The following SAMD10 variants were observed in gnomAD, a reference collection of about 807,000 sequenced individuals.
The protein encoded by SAMD10 is sterile alpha motif domain-containing protein 10.
In SAMD10, 16 loss-of-function variants were observed where a neutral mutation model predicts 22.5. That is an observed-to-expected ratio of 0.71 (90% CI 0.48 to 1.08). SAMD10 has a LOEUF of 1.08. Ranked by LOEUF, SAMD10 falls within the 50% of genes least tolerant of loss-of-function variation. SAMD10 has a pLI of 0.00. For missense variants in SAMD10, 227 were observed against 281.3 expected, an observed-to-expected ratio of 0.81 and a Z score of 1.38; for synonymous variants, 118 against 122.2, an observed-to-expected ratio of 0.97 and a Z score of 0.23.
chr20:63,978,422 A>C (rs976804279), intron 1 of SAMD10: 37 of 656,554 alleles, frequency 5.6e-5, no homozygotes, highest in Admixed American at 2.5e-5. Flanking sequence ...CCTAGCACCC[A>C]GGCCTTCAGC....
Position 63,975,433 on chromosome 20 carries a change from C to T in SAMD10, c.*77G>A, listed in dbSNP as rs1197996524. On this transcript the variant is annotated 3_prime_UTR_variant, in exon 5 of 5. Transcript: ENST00000369886. ...ATCCCGCAGGGTCCAAGAGGCGCTG[C>T]GGGGCCAGCTTGGCCTCCTCCCTAG... The T allele has an allele frequency of 7.6e-5, 120 of 1,583,970 alleles. No individual in the cohort carries two copies. Among genetic ancestry groups the T allele is most frequent in the East Asian group, 9.0e-5 (4 of 44,412 alleles).
At position 63,979,076 on chromosome 20, in the gene SAMD10, G is replaced by A. The variant is rs904428382; in HGVS notation, c.91+301C>T. On this transcript the variant is annotated intron_variant, in intron 1 of 4. Transcript: ENST00000369886. This position sits in a 1 kb window ranked among gnomAD's most constrained non-coding sequence, Gnocchi z 7.7. ...CCCCTTTCGGCCCCACTGCAAAAGC[G>A]GGGGAGGGTTTTCCCCGTGCGCAGG... 2.0e-5 allele frequency among the ~76,000 whole-genome samples: 3 copies of A among 152,162 alleles called. No individual in the cohort carries two copies. The highest frequency in any genetic ancestry group is 2.9e-5 in the Non-Finnish European group (2 of 68,032).
At chr20:63,978,146 T>A in intron 1 of SAMD10, 1 of 442,956 alleles carries the variant, frequency 2.3e-6, no homozygotes, top group Non-Finnish European at 4.4e-6. Context: ...AGCCATTGCT[T>A]GGGGACCCAC....
At chr20:63,976,905 G>T in intron 3 of SAMD10, 66 bp downstream of exon 3, 1 of 1,517,462 alleles carries the variant, frequency 6.6e-7, no homozygotes, top group Non-Finnish European at 9.1e-7. Flanking sequence ...GGCAGGCTGA[G>T]TGTGGGGAAG....
At chr20:63,976,197 C>T (rs936957607) in intron 3 of SAMD10, among the ~76,000 whole-genome samples, 3 of 151,764 alleles carry the variant, frequency 2.0e-5, no homozygotes, top group Non-Finnish European at 4.4e-5. Flanking sequence ...AAACAAACAA[C>T]AAACTGAGCC....
Position 63,977,528 on chromosome 20 carries a change from G to C in SAMD10, c.92-122C>G, listed in dbSNP as rs1394839240. 3.0e-6 allele frequency: 3 copies of C among 995,026 alleles called. No homozygotes were observed. The highest frequency in any genetic ancestry group is 4.5e-6 in the Non-Finnish European group (3 of 671,140). The allele number at this position is 995,026 out of a possible 1,614,324, so 61.6% of individuals were successfully genotyped here. ...TGCGGGAAATCACCTCCCCAATGAG[G>C]GGTTCCCAAGCCTCCAAAGGCAGAA... On this transcript the variant is annotated intron_variant, in intron 1 of 4. Coordinates refer to ENST00000369886, the MANE Select transcript of SAMD10 (RefSeq NM_080621.5). The surrounding 1 kb of genome is among the most constrained non-coding windows in gnomAD (Gnocchi z 5.4).
rs144027852 is a variant in SAMD10, at chr20:63,977,053, C to T, written c.363G>A (p.Gln121=). The change falls in exon 3 of 5, where the codon CAG becomes CAA. Residue 121 remains glutamine (Q), a synonymous_variant. Coordinates refer to ENST00000369886, the MANE Select transcript of SAMD10 (RefSeq NM_080621.5). This position sits in a 1 kb window ranked among gnomAD's most constrained non-coding sequence, Gnocchi z 5.4. ...LTRPVVLWSQ[Q]DVCKWLKKHC... is the part of the protein sequence containing the mutation. ...GCTTCTTGAGCCACTTGCAGACGTC[C>T]TGCTGACTCCACAGGACCACGGGCC... is the stretch of plus-strand genomic sequence containing the variant. 1,169 of 1,614,150 alleles carry T rather than the reference C, an allele frequency of 7.2e-4. 6 individuals are homozygous for T. The highest frequency in any genetic ancestry group is 6.6e-3 in the South Asian group (600 of 91,084).
At chr20:63,978,420 C>G (rs2059039663) in intron 1 of SAMD10, 1 of 671,600 alleles carries the variant, frequency 1.5e-6, no homozygotes, top group South Asian at 1.6e-5. Flanking sequence ...ACCCTAGCAC[C>G]CAGGCCTTCA....
At position 63,977,505 on chromosome 20, in the gene SAMD10, C is replaced by T. The variant is rs574622793; in HGVS notation, c.92-99G>A. ...CTGCCCCATCTCCTCCACACTAGTG[C>T]GGGAAATCACCTCCCCAATGAGGGG... is the stretch of plus-strand genomic sequence containing the variant. On this transcript the variant is annotated intron_variant, in intron 1 of 4. Coordinates refer to ENST00000369886, the MANE Select transcript of SAMD10 (RefSeq NM_080621.5). This position sits in a 1 kb window ranked among gnomAD's most constrained non-coding sequence, Gnocchi z 5.4. 114 of 1,232,924 alleles carry T rather than the reference C, an allele frequency of 9.2e-5. No homozygotes were observed. The highest frequency in any genetic ancestry group is 1.1e-4 in the Non-Finnish European group (97 of 875,444). The allele number at this position is 1,232,924 out of a possible 1,614,324, so 76.4% of individuals were successfully genotyped here. A position where few individuals can be genotyped will look rare whatever the true frequency, so the allele number is the denominator to read the frequency against.
upstream of SAMD10, chr20:63,979,810 G>A: frequency 6.2e-6 from 3 of 484,714 alleles, no homozygotes; most frequent in Non-Finnish European, 8.1e-6. The surrounding 1 kb of genome is among the most constrained non-coding windows in gnomAD (Gnocchi z 7.7). Context: ...CCCTCTGTGC[G>A]TGGGGGTGGG....
At position 63,977,364 on chromosome 20, in the gene SAMD10, G is replaced by A. The variant is rs917108169; in HGVS notation, c.134C>T (p.Thr45Met). 5.6e-6 allele frequency: 9 copies of A among 1,613,258 alleles called. No homozygotes were observed. Among genetic ancestry groups the A allele is most frequent in the Admixed American group, 1.7e-5 (1 of 60,012 alleles). Reference sequence around the variant, plus strand: ...GCAGGGGATGCTCTCAGCTGACACCGTGTGCTCCAGGAGGGTCCGGCAGAA... The same window carrying A: ...GCAGGGGATGCTCTCAGCTGACACCATGTGCTCCAGGAGGGTCCGGCAGAA... ...FSFCRTLLEH[T>M]VSAESIPCHL... The change falls in exon 2 of 5, where the codon ACG (threonine) becomes ATG (methionine). Residue 45 changes from threonine to methionine, a missense_variant. Physicochemically the swap from Thr to Met is moderately conservative, Grantham distance 81. Transcript: ENST00000369886. The surrounding 1 kb of genome is among the most constrained non-coding windows in gnomAD (Gnocchi z 5.4).
In SAMD10 at chr20:63,975,288, A is replaced by C. The variant is rs912201687; in HGVS notation, c.*222T>G. On this transcript the variant is annotated 3_prime_UTR_variant, in exon 5 of 5. Coordinates refer to ENST00000369886, the MANE Select transcript of SAMD10 (RefSeq NM_080621.5). ...GGCTCAGGTCCCAGGAGGTGGGGCCACACTCAAGCAGCCCCCTACCCACCC... is the reference window on the plus strand; with the variant it reads ...GGCTCAGGTCCCAGGAGGTGGGGCCCCACTCAAGCAGCCCCCTACCCACCC... 7.1e-6 allele frequency: 4 copies of C among 560,942 alleles called. No individual in the cohort carries two copies. The highest frequency in any genetic ancestry group is 1.2e-5 in the Non-Finnish European group (4 of 323,028). The allele number at this position is 560,942 out of a possible 1,614,324, so 34.7% of individuals were successfully genotyped here.
Position 63,975,350 on chromosome 20 carries a change from C to T in SAMD10, c.*160G>A, listed in dbSNP as rs2059014408. 1.7e-5 allele frequency: 14 copies of T among 813,790 alleles called. No homozygotes were observed. The highest frequency in any genetic ancestry group is 2.8e-5 in the Admixed American group (1 of 35,308). 50.4% of individuals were successfully genotyped at this position (813,790 alleles called of 1,614,324 possible). On this transcript the variant is annotated 3_prime_UTR_variant, in exon 5 of 5. Coordinates refer to ENST00000369886, the MANE Select transcript of SAMD10 (RefSeq NM_080621.5). ...ACGACCTGGAATGTCCAACCAGAGG[C>T]GCCTGGAGGTGTGATCCTGGTCCTG...
Position 63,979,562 on chromosome 20 carries a change from G to A in SAMD10, c.-95C>T, listed in dbSNP as rs907216170. The A allele has an allele frequency of 2.0e-6, 2 of 985,632 alleles. No individual in the cohort carries two copies. The highest frequency in any genetic ancestry group is 1.3e-4 in the Admixed American group (2 of 15,996). The allele number at this position is 985,632 out of a possible 1,614,324, so 61.1% of individuals were successfully genotyped here. A position where few individuals can be genotyped will look rare whatever the true frequency, so the allele number is the denominator to read the frequency against. ...GGAACGCGCGCCGCCGCCCCGCCCC[G>A]CCCCAGCCGGCCCCGCGCCCGAGCC... On this transcript the variant is annotated 5_prime_UTR_variant, in exon 1 of 5. Coordinates refer to ENST00000369886, the MANE Select transcript of SAMD10 (RefSeq NM_080621.5). This position sits in a 1 kb window ranked among gnomAD's most constrained non-coding sequence, Gnocchi z 7.7.
In SAMD10 at chr20:63,977,430, G is replaced by A. The variant is rs2059032891; in HGVS notation, c.92-24C>T. The A allele has an allele frequency of 6.2e-7, 1 of 1,607,740 alleles. No homozygotes were observed. Among genetic ancestry groups the A allele is most frequent in the Non-Finnish European group, 8.5e-7 (1 of 1,176,526 alleles). The stretch of plus-strand genomic sequence containing the variant: ...GGCTGTGTGTGGGGGTGCCTGGTCA[G>A]GGCAGTCAAGGGCAGAACCAGAGGC... On this transcript the variant is annotated intron_variant, in intron 1 of 4. Coordinates refer to ENST00000369886, the MANE Select transcript of SAMD10 (RefSeq NM_080621.5). The surrounding 1 kb of genome is among the most constrained non-coding windows in gnomAD (Gnocchi z 5.4).
Position 63,977,799 on chromosome 20 carries a change from G to A in SAMD10, c.92-393C>T, listed in dbSNP as rs1352616580. On this transcript the variant is annotated intron_variant, in intron 1 of 4. Transcript: ENST00000369886. The surrounding 1 kb of genome is among the most constrained non-coding windows in gnomAD (Gnocchi z 5.4). ...TCTTGCACACACCACACCAGACCAG[G>A]AAGTGCACACACGGCCTGCTTTGAG... is the stretch of plus-strand genomic sequence containing the variant. Among the ~76,000 whole-genome samples, 1 of 152,252 alleles carries A rather than the reference G, an allele frequency of 6.6e-6. No individual in the cohort carries two copies. The highest frequency in any genetic ancestry group is 1.5e-5 in the Non-Finnish European group (1 of 68,042).
chr20:63,978,682 A>C (rs1416359709), intron 1 of SAMD10, among the ~76,000 whole-genome samples: 5 of 152,126 alleles, frequency 3.3e-5, no homozygotes, highest in African/African-American at 1.2e-4. Flanking sequence ...GGTGACTCCA[A>C]ATTTGAGGTC....
At chr20:63,979,688 G>A (rs2059051233), upstream of SAMD10, 2 of 985,264 alleles carry the variant, frequency 2.0e-6, no homozygotes, top group East Asian at 1.1e-4. This position sits in a 1 kb window ranked among gnomAD's most constrained non-coding sequence, Gnocchi z 7.7. Context: ...CGGCGCGCGG[G>A]CCTGCGTGCA....
At position 63,975,939 on chromosome 20, in the gene SAMD10, G is replaced by A. The variant is rs111525714; in HGVS notation, c.446-107C>T. 2,702 of 1,233,678 alleles carry A rather than the reference G, an allele frequency of 2.2e-3. 55 individuals carry two copies. The African/African-American group carries it at 0.039, about 18-fold the overall frequency. 76.4% of individuals were successfully genotyped at this position (1,233,678 alleles called of 1,614,324 possible). On this transcript the variant is annotated intron_variant, in intron 3 of 4. Coordinates refer to ENST00000369886, the MANE Select transcript of SAMD10 (RefSeq NM_080621.5). The stretch of plus-strand genomic sequence containing the variant: ...TGTGATCCCAGCACTTTGGGAGGCC[G>A]AGGCGGGCAGATCACTTGAGGTCAG...
Sources: allele counts gnomAD v4.1 joint callset (sites outside exome capture counted in the v4.1 genomes callset), GRCh38; gene constraint gnomAD v4.1.1; non-coding constraint Gnocchi (gnomAD v3.1); transcripts MANE v1.5; gene names NCBI Gene and HGNC (gene_info 2026-07-23, HGNC 2026-07-21).